The following FOXN3 variants were observed in gnomAD, a reference collection of about 807,000 sequenced individuals.
The protein encoded by FOXN3 is forkhead box N3.
FOXN3 carries 7 observed loss-of-function variants against 38.4 expected under a neutral mutation model. That is an observed-to-expected ratio of 0.18 (90% CI 0.10 to 0.34). The LOEUF (loss-of-function observed/expected upper bound fraction) is 0.34, where lower values mean the gene tolerates loss of function less well. Among genes scored for constraint, FOXN3 ranks in the 10% least tolerant of loss-of-function variants. FOXN3 has a pLI of 1.00. For missense variants in FOXN3, 456 were observed against 613.4 expected, an observed-to-expected ratio of 0.74 and a Z score of 2.71; for synonymous variants, 230 against 242.2, an observed-to-expected ratio of 0.95 and a Z score of 0.47.
At chr14:89,525,208 G>A (rs868165603) in intron 1 of FOXN3, among the ~76,000 whole-genome samples, 15 of 152,068 alleles carry the variant, frequency 9.9e-5, no homozygotes, top group African/African-American at 3.6e-4. Context: ...TGAGACAGGC[G>A]GTCAGCACAA....
intron 4 of FOXN3, among the ~76,000 whole-genome samples, chr14:89,260,314 G>A (rs4899972): frequency 6.6e-6 from 1 of 152,226 alleles, no homozygotes; most frequent in Non-Finnish European, 1.5e-5. Context: ...ACGGGGATCT[G>A]CTCTCCCGGG....
chr14:89,323,442 T>C (rs1187064100), intron 3 of FOXN3, among the ~76,000 whole-genome samples: 2 of 150,924 alleles, frequency 1.3e-5, no homozygotes, highest in African/African-American at 4.9e-5. Context: ...AGGACCCGGC[T>C]GGGCACAGTG....
chr14:89,390,538 G>T (rs1258884553), intron 2 of FOXN3, among the ~76,000 whole-genome samples: 1 of 147,666 alleles, frequency 6.8e-6, no homozygotes, highest in Non-Finnish European at 1.5e-5. Flanking sequence ...CTGACAATTA[G>T]CTTTTTCTTC....
chr14:89,302,110 C>T (rs1019569209), intron 3 of FOXN3, among the ~76,000 whole-genome samples: 4 of 152,236 alleles, frequency 2.6e-5, no homozygotes, highest in Admixed American at 1.3e-4. Flanking sequence ...CTTCCACCAT[C>T]ACATGGGCTG....
chr14:89,431,175 T>A (rs2140113724), intron 1 of FOXN3, among the ~76,000 whole-genome samples: 1 of 152,352 alleles, frequency 6.6e-6, no homozygotes, highest in East Asian at 1.9e-4. Flanking sequence ...GGTTGGTCTC[T>A]ACGTGTTTAG....
intron 2 of FOXN3, among the ~76,000 whole-genome samples, chr14:89,384,934 G>A (rs1465570192): frequency 6.6e-6 from 1 of 152,180 alleles, no homozygotes; most frequent in African/African-American, 2.4e-5. Flanking sequence ...ATCCCATGGA[G>A]AAACAGCCTT....
chr14:89,418,300 G>A (rs1392313646), upstream of FOXN3, among the ~76,000 whole-genome samples: 2 of 151,946 alleles, frequency 1.3e-5, no homozygotes, highest in South Asian at 2.1e-4. Flanking sequence ...AAAACAGCGA[G>A]TAGACCTGGA....
intron 4 of FOXN3, among the ~76,000 whole-genome samples, chr14:89,238,789 A>G (rs1885053553): frequency 6.6e-6 from 1 of 152,206 alleles, no homozygotes; most frequent in Non-Finnish European, 1.5e-5. Flanking sequence ...AATGAATATC[A>G]ATAACAATGC....
chr14:89,528,772 T>C (rs1334303934), intron 1 of FOXN3, among the ~76,000 whole-genome samples: 3 of 152,140 alleles, frequency 2.0e-5, no homozygotes, highest in Non-Finnish European at 4.4e-5. Flanking sequence ...GTACATGCTA[T>C]ATGATTCTAT....
intron 1 of FOXN3, among the ~76,000 whole-genome samples, chr14:89,448,814 C>T (rs1239662211): frequency 6.6e-6 from 1 of 151,766 alleles, no homozygotes; most frequent in Non-Finnish European, 1.5e-5. Flanking sequence ...GGTGGTGCGG[C>T]GCCTGTAGTC....
At chr14:89,350,513 CA>C in intron 3 of FOXN3, 158 bp downstream of exon 3, 1 of 582,694 alleles carries the variant, frequency 1.7e-6, no homozygotes, top group Admixed American at 4.1e-5. Flanking sequence ...GTAGGAAATA[CA>C]ACAGTGGATA....
chr14:89,493,854 C>A (rs907766214), intron 1 of FOXN3: 24 of 150,672 alleles, frequency 1.6e-4, no homozygotes, highest in Admixed American at 1.1e-3. Context: ...ATCTCTACCC[C>A]CCTCCAAAAA....
At position 89,548,481 on chromosome 14, in the gene FOXN3, T is replaced by C. The variant is rs1894929265; in HGVS notation, c.-15+70547A>G. 6.6e-6 allele frequency among the ~76,000 whole-genome samples: 1 copy of C among 152,238 alleles called. No homozygotes were observed. Among genetic ancestry groups the C allele is most frequent in the African/African-American group, 2.4e-5 (1 of 41,460 alleles). ...TTTAAAAATTATTCATATTTGACTC[T>C]AGGACACCAACAATTTACTTAAACA... On this transcript the variant is annotated intron_variant, in intron 1 of 6. Coordinates refer to the FOXN3 transcript ENST00000345097. The surrounding 1 kb of genome is among the most constrained non-coding windows in gnomAD (Gnocchi z 4.8).
intron 2 of FOXN3, among the ~76,000 whole-genome samples, chr14:89,365,186 G>A (rs773977265): frequency 2.6e-5 from 4 of 152,108 alleles, no homozygotes; most frequent in African/African-American, 7.2e-5. Context: ...CCCACCACAC[G>A]TCAATGTCAT....
intron 1 of FOXN3, among the ~76,000 whole-genome samples, chr14:89,530,788 T>G (rs1894544013): frequency 6.6e-6 from 1 of 151,136 alleles, no homozygotes; most frequent in South Asian, 2.1e-4. Context: ...TTTTGTATTT[T>G]TAGTAGAGAT....
intron 3 of FOXN3, among the ~76,000 whole-genome samples, chr14:89,284,887 T>C (rs1886572549): frequency 6.6e-6 from 1 of 152,160 alleles, no homozygotes; most frequent in African/African-American, 2.4e-5. Context: ...CTGAACAGCA[T>C]ACCCGGCGGC....
At chr14:89,308,036 G>C (rs1159890074) in intron 3 of FOXN3, among the ~76,000 whole-genome samples, 1 of 152,192 alleles carries the variant, frequency 6.6e-6, no homozygotes, top group Non-Finnish European at 1.5e-5. Flanking sequence ...AGGCCGAGGT[G>C]GGCGGATCAT....
intron 2 of FOXN3, among the ~76,000 whole-genome samples, chr14:89,411,298 C>G (rs1189882072): frequency 2.0e-5 from 3 of 152,176 alleles, no homozygotes; most frequent in Admixed American, 6.5e-5. Context: ...CAATATTAAA[C>G]TTTTTAAAAG....
chr14:89,449,884 T>C (rs779525818), intron 1 of FOXN3, among the ~76,000 whole-genome samples: 1 of 152,008 alleles, frequency 6.6e-6, no homozygotes, highest in Non-Finnish European at 1.5e-5. Context: ...AGAAACCCAG[T>C]TGGTCTTAGG....
Sources: allele counts gnomAD v4.1 joint callset (sites outside exome capture counted in the v4.1 genomes callset), GRCh38; gene constraint gnomAD v4.1.1; non-coding constraint Gnocchi (gnomAD v3.1); transcripts MANE v1.5; gene names NCBI Gene and HGNC (gene_info 2026-07-23, HGNC 2026-07-21).